Variants in DLC1 observed in about 807,000 individuals in gnomAD.
DLC1 encodes rho GTPase-activating protein 7.
A neutral mutation model predicts 140.3 loss-of-function variants in DLC1; 54 were observed. The observed-to-expected ratio is 0.38, with a 90% CI of 0.31 to 0.48. The LOEUF (loss-of-function observed/expected upper bound fraction) is 0.48. DLC1 is among the 20% of genes least tolerant of loss of function. The pLI is 0.96. For synonymous variants in DLC1, 986 were observed against 728.1 expected (o/e 1.35, Z -5.70); for missense variants, 2,536 against 1,907.0 (o/e 1.33, Z -6.14).
intron 5 of DLC1, among the ~76,000 whole-genome samples, chr8:13,279,516 T>C (rs1171065895): frequency 6.6e-6 from 1 of 152,170 alleles, no homozygotes; most frequent in African/African-American, 2.4e-5. Flanking sequence ...GGCAGAGTAT[T>C]TCAGGAGGGG....
At chr8:13,318,379 T>C (rs1389561640) in intron 4 of DLC1, among the ~76,000 whole-genome samples, 1 of 152,132 alleles carries the variant, frequency 6.6e-6, no homozygotes, top group African/African-American at 2.4e-5. Context: ...TGTTACTATA[T>C]TATTCTATGT....
chr8:13,213,164 A>T (rs959905548), intron 5 of DLC1, among the ~76,000 whole-genome samples: 1 of 152,194 alleles, frequency 6.6e-6, no homozygotes, highest in South Asian at 2.1e-4. Context: ...CAGATAAGGA[A>T]TTTATAGGCT....
intron 4 of DLC1, among the ~76,000 whole-genome samples, chr8:13,363,855 A>G (rs113777680): frequency 0.062 from 9,458 of 152,270 alleles, 367 homozygotes; most frequent in Non-Finnish European, 0.085. Context: ...GCCATCAAGA[A>G]CAAAAGCTGT....
At chr8:13,318,898 A>G (rs1671400) in intron 4 of DLC1, among the ~76,000 whole-genome samples, 131,447 of 152,198 alleles carry the variant, frequency 0.86, 56,917 homozygotes, top group East Asian at 0.96. Context: ...CCACACTAGA[A>G]AGTGTTTATA....
intron 5 of DLC1, among the ~76,000 whole-genome samples, chr8:13,148,953 C>T (rs755028912): frequency 2.6e-5 from 4 of 152,010 alleles, no homozygotes; most frequent in African/African-American, 7.2e-5. Flanking sequence ...TCACCACGCC[C>T]GGCTAATTTT....
chr8:13,105,173 A>C (rs1247640749), intron 7 of DLC1, among the ~76,000 whole-genome samples: 14 of 152,220 alleles, frequency 9.2e-5, no homozygotes. Context: ...AAAAAGACCC[A>C]GGAGGCCAGT....
intron 1 of DLC1, among the ~76,000 whole-genome samples, chr8:13,588,533 C>G (rs1805409408): frequency 6.6e-6 from 1 of 152,052 alleles, no homozygotes; most frequent in African/African-American, 2.4e-5. Flanking sequence ...AGAATTATAG[C>G]CTGGGGGTAC....
At chr8:13,136,101 T>TA (rs1355271473) in intron 5 of DLC1, among the ~76,000 whole-genome samples, 1 of 152,240 alleles carries the variant, frequency 6.6e-6, no homozygotes, top group Non-Finnish European at 1.5e-5. Context: ...TTTTGAAAGC[T>TA]GCTACGCTTA....
rs138599862 is a variant in DLC1, at chr8:13,447,944, T to C, written c.1024-46325A>G. Among the ~76,000 whole-genome samples, 641 of 152,318 alleles carry C rather than the reference T, an allele frequency of 4.2e-3. 8 individuals are homozygous for C. Among genetic ancestry groups the C allele is most frequent in the African/African-American group, 0.015 (622 of 41,576 alleles). On this transcript the variant is annotated intron_variant, in intron 2 of 17. Coordinates refer to ENST00000276297, the MANE Select transcript of DLC1 (RefSeq NM_182643.3). Reference sequence around the variant, plus strand: ...CCATTCAATGAGGCTCTGAAAAATTTAGGATGGCGTGTGTGTGAAAATCCT... The same window carrying C: ...CCATTCAATGAGGCTCTGAAAAATTCAGGATGGCGTGTGTGTGAAAATCCT...
At chr8:13,143,048 A>AG (rs1225833674) in intron 5 of DLC1, among the ~76,000 whole-genome samples, 1 of 151,922 alleles carries the variant, frequency 6.6e-6, no homozygotes, top group African/African-American at 2.4e-5. Flanking sequence ...CGTCTCAAAA[A>AG]AAAAAAAAAA....
chr8:13,100,274 G>C lies in DLC1; in HGVS notation c.2063C>G (p.Ser688Ter). Residue 688 changes from serine to a stop codon, truncating the protein, a stop_gained, in exon 9 of 18, where the codon TCA becomes TGA. Coordinates refer to ENST00000276297, the MANE Select transcript of DLC1 (RefSeq NM_182643.3). LOFTEE classifies it high-confidence loss of function. Reference sequence around the variant, plus strand: ...CCCGCTGATGATCAACCCCAGCTTTGAGGGCGCTTTGTGCTTGCTGTGATG... The same window carrying C: ...CCCGCTGATGATCAACCCCAGCTTTCAGGGCGCTTTGTGCTTGCTGTGATG... ...SSHHSKHKAP[S>*]KLGLIISGPI... is the part of the protein sequence containing the mutation. The C allele has an allele frequency of 6.2e-7, 1 of 1,614,114 alleles. No homozygotes were observed. The highest frequency in any genetic ancestry group is 8.5e-7 in the Non-Finnish European group (1 of 1,180,040).
chr8:13,284,388 G>A lies in DLC1; in HGVS notation c.1348+20881C>T, dbSNP rs139175456. On this transcript the variant is annotated intron_variant, in intron 5 of 17. Transcript: ENST00000276297. ...CTAAAAATAGAAAAATTAGCTGGGC[G>A]TGGTGGCGGGCGCCTGTAATCCCAG... 6.7e-3 allele frequency among the ~76,000 whole-genome samples: 1,026 copies of A among 152,136 alleles called. 12 individuals are homozygous for A. Among genetic ancestry groups the A allele is most frequent in the African/African-American group, 0.023 (970 of 41,500 alleles).
At chr8:13,103,063 C>G (rs1819232476) in intron 7 of DLC1, among the ~76,000 whole-genome samples, 1 of 152,188 alleles carries the variant, frequency 6.6e-6, no homozygotes, top group Non-Finnish European at 1.5e-5. Context: ...GTAATCCCAG[C>G]ACTTTGGGAG....
chr8:13,515,897 G>C (rs1348881859), upstream of DLC1, among the ~76,000 whole-genome samples: 1 of 152,124 alleles, frequency 6.6e-6, no homozygotes, highest in African/African-American at 2.4e-5. Context: ...AGCTGAAGTC[G>C]TTTCAGGAAA....
chr8:13,108,091 G>T (rs1050120159), intron 7 of DLC1, among the ~76,000 whole-genome samples: 1 of 152,024 alleles, frequency 6.6e-6, no homozygotes, highest in Non-Finnish European at 1.5e-5. Flanking sequence ...AAATACACCC[G>T]ATAGAGGTCC....
At chr8:13,489,927 G>A (rs544541428) in intron 2 of DLC1, among the ~76,000 whole-genome samples, 1 of 152,096 alleles carries the variant, frequency 6.6e-6, no homozygotes. Context: ...ATTGTTCTAG[G>A]TGCTGTACTA....
rs530417670 is a variant in DLC1, at chr8:13,183,851, C to A, written c.1349-68194G>T. ...CTCATAAAATGAGTTAGGGAGGATT[C>A]CCTCTTTTCTATCGATTGGAATAGT... On this transcript the variant is annotated intron_variant, in intron 5 of 17. Transcript: ENST00000276297. Among the ~76,000 whole-genome samples the A allele has an allele frequency of 3.9e-5, 6 of 152,248 alleles. No homozygotes were observed. In the South Asian group the frequency reaches 1.2e-3, roughly 32 times the overall value.
At position 13,461,084 on chromosome 8, in the gene DLC1, T is replaced by C. The variant is rs184430489; in HGVS notation, c.1023+37965A>G. ...AATTAGCTGGGCATGGTGGTGCACA[T>C]CTGTGGTCCCAGTTACTCTAGAGGC... On this transcript the variant is annotated intron_variant, in intron 2 of 17. Coordinates refer to ENST00000276297, the MANE Select transcript of DLC1 (RefSeq NM_182643.3). Among the ~76,000 whole-genome samples, 22 of 152,270 alleles carry C rather than the reference T, an allele frequency of 1.4e-4. No homozygotes were observed. In the East Asian group the frequency reaches 4.1e-3, roughly 28 times the overall value.
In DLC1 at chr8:13,276,186, C is replaced by T. The variant is rs151111282; in HGVS notation, c.1348+29083G>A. The stretch of plus-strand genomic sequence containing the variant: ...GAGATCATTCATGAACCAAGCTTAT[C>T]ACTGCGTCTTCGCAGTAAATTGTTT... On this transcript the variant is annotated intron_variant, in intron 5 of 17. Transcript: ENST00000276297. The T allele has an allele frequency of 4.5e-4, 673 of 1,507,054 alleles. 2 individuals are homozygous for T. In the African/African-American group the frequency reaches 8.2e-3, roughly 18 times the overall value. The allele number at this position is 1,507,054 out of a possible 1,614,324, so 93.4% of individuals were successfully genotyped here.
Sources: allele counts gnomAD v4.1 joint callset (sites outside exome capture counted in the v4.1 genomes callset), GRCh38; gene constraint gnomAD v4.1.1; transcripts MANE v1.5; gene names NCBI Gene and HGNC (gene_info 2026-07-23, HGNC 2026-07-21).